The following BEST3 variants were observed in gnomAD, a reference collection of about 807,000 sequenced individuals.
BEST3 encodes bestrophin-3.
BEST3 carries 50 observed loss-of-function variants against 47.1 expected under a neutral mutation model. The observed-to-expected ratio is 1.06, with a 90% CI of 0.85 to 1.34. The LOEUF (loss-of-function observed/expected upper bound fraction) is 1.34, where lower values mean the gene tolerates loss of function less well. BEST3 is among the 40% of genes most tolerant of loss of function. The probability of loss-of-function intolerance (pLI) is 0.00; values close to 1 mark genes in which losing one functional copy is unlikely to be tolerated. For synonymous variants in BEST3, 282 were observed against 298.8 expected (o/e 0.94, Z 0.58); for missense variants, 765 against 817.0 (o/e 0.94, Z 0.78).
chr12:69,668,884 C>G (rs751994918), intron 9 of BEST3, among the ~76,000 whole-genome samples: 1 of 152,148 alleles, frequency 6.6e-6, no homozygotes, highest in South Asian at 2.1e-4. Flanking sequence ...CATAGGTTAG[C>G]TGAGAAGGTA....
chr12:69,677,599 A>G (rs909671541), intron 5 of BEST3, among the ~76,000 whole-genome samples: 4 of 152,192 alleles, frequency 2.6e-5, no homozygotes, highest in African/African-American at 9.6e-5. Flanking sequence ...TGGGCAACAT[A>G]GAAAGACATT....
downstream of BEST3, among the ~76,000 whole-genome samples, chr12:69,649,405 A>G (rs1012321971): frequency 3.9e-5 from 6 of 152,190 alleles, no homozygotes; most frequent in South Asian, 2.1e-4. Flanking sequence ...CTAAGCATGA[A>G]CCTCGGGGTT....
downstream of BEST3, chr12:69,653,461 G>T (rs1883278810): frequency 4.1e-6 from 1 of 241,780 alleles, no homozygotes; most frequent in Non-Finnish European, 6.7e-6. Flanking sequence ...GTTTGAAGAT[G>T]AACACTGTCA....
intron 4 of BEST3, among the ~76,000 whole-genome samples, chr12:69,691,867 T>C (rs1257122077): frequency 1.3e-5 from 2 of 152,180 alleles, no homozygotes; most frequent in African/African-American, 2.4e-5. Context: ...GTTGCTGAAA[T>C]GATCTGCTGC....
chr12:69,657,169 C>T (rs1379299291), intron 9 of BEST3, among the ~76,000 whole-genome samples: 3 of 149,030 alleles, frequency 2.0e-5, no homozygotes, highest in Admixed American at 6.6e-5. Flanking sequence ...GATCTCGGCT[C>T]ACTGCAACCT....
At chr12:69,666,531 T>C (rs780210603) in intron 9 of BEST3, among the ~76,000 whole-genome samples, 11 of 152,158 alleles carry the variant, frequency 7.2e-5, no homozygotes, top group Non-Finnish European at 1.3e-4. Context: ...TGGCAGGGCA[T>C]TTTCTGGGTT....
chr12:69,671,579 C>T lies in BEST3; in HGVS notation c.949G>A (p.Val317Ile). The change falls in exon 9 of 10, where the codon GTC (valine) becomes ATC (isoleucine). Residue 317 changes from valine to isoleucine, a missense_variant and splice_region_variant. Physicochemically the swap from Val to Ile is conservative, Grantham distance 29 (BLOSUM62 3). Transcript: ENST00000330891. ...ATTTCGTCCACAGCTAAAAGAGAGA[C>T]CTAAAATCATTGTTATATTGTTAGA... ...TNWCIDRNLQ[V>I]SLLAVDEMHM... 3 of 1,612,244 alleles carry T rather than the reference C, an allele frequency of 1.9e-6. No individual in the cohort carries two copies. The highest frequency in any genetic ancestry group is 1.7e-6 in the Non-Finnish European group (2 of 1,179,080).
downstream of BEST3, among the ~76,000 whole-genome samples, chr12:69,651,536 G>T (rs553279150): frequency 6.6e-6 from 1 of 152,248 alleles, no homozygotes; most frequent in East Asian, 1.9e-4. Context: ...ACTTTGGGAG[G>T]CCAAGATGGG....
At chr12:69,666,925 A>T (rs1359145617) in intron 9 of BEST3, among the ~76,000 whole-genome samples, 1 of 152,028 alleles carries the variant, frequency 6.6e-6, no homozygotes, top group Non-Finnish European at 1.5e-5. Flanking sequence ...CTTGTGATAC[A>T]CCTACTTCAG....
chr12:69,677,161 C>A lies in BEST3; in HGVS notation c.714+19G>T. Reference sequence around the variant, plus strand: ...GTAGGCAAGTAGAAATAAAGAATTCCATGAAAAGTATTTCTTACCTGGGTG... The same window carrying A: ...GTAGGCAAGTAGAAATAAAGAATTCAATGAAAAGTATTTCTTACCTGGGTG... On this transcript the variant is annotated intron_variant, in intron 6 of 9. Coordinates refer to ENST00000330891, the MANE Select transcript of BEST3 (RefSeq NM_032735.3). 1 of 1,613,426 alleles carries A rather than the reference C, an allele frequency of 6.2e-7. No homozygotes were observed. The highest frequency in any genetic ancestry group is 8.5e-7 in the Non-Finnish European group (1 of 1,179,468).
At chr12:69,668,350 G>A (rs1884355705) in intron 9 of BEST3, among the ~76,000 whole-genome samples, 1 of 152,142 alleles carries the variant, frequency 6.6e-6, no homozygotes, top group South Asian at 2.1e-4. Context: ...ATTTTATATG[G>A]TCACCAAGAG....
chr12:69,678,433 C>A (rs1885051269), intron 5 of BEST3, among the ~76,000 whole-genome samples: 1 of 152,016 alleles, frequency 6.6e-6, no homozygotes, highest in Non-Finnish European at 1.5e-5. Flanking sequence ...TACATGGGCA[C>A]CATAGCTTTT....
In BEST3 at chr12:69,693,780, T is replaced by A. The variant is rs1231289265; in HGVS notation, c.375A>T (p.Arg125Ser). The A allele has an allele frequency of 2.5e-6, 4 of 1,614,152 alleles. No individual in the cohort carries two copies. The South Asian group carries it at 4.4e-5, about 18-fold the overall frequency. Residue 125 changes from arginine to serine, a missense_variant, in exon 4 of 10, where the codon AGA becomes AGT. Coordinates refer to ENST00000330891, the MANE Select transcript of BEST3 (RefSeq NM_032735.3). ...HGSDEHGRLL[R>S]RTLMRYVNLT... ...GATTGACGTAGCGCATCAGCGTCCT[T>A]CTAAGCAGGCGCCCGTGCTCGTCGC...
At chr12:69,665,919 C>A (rs371544626) in intron 9 of BEST3, among the ~76,000 whole-genome samples, 1 of 151,984 alleles carries the variant, frequency 6.6e-6, no homozygotes, top group Non-Finnish European at 1.5e-5. Context: ...AAGATAAAGG[C>A]GGGTGGAGAA....
chr12:69,677,305 G>A (rs1337297212), intron 5 of BEST3, 48 bp from the exon 6 acceptor site: 1 of 1,509,894 alleles, frequency 6.6e-7, no homozygotes, highest in Admixed American at 1.9e-5. Context: ...GACGGGTGTG[G>A]TAATAAGTAC....
At chr12:69,666,901 TACCGTCTAC>T (rs1341313902) in intron 9 of BEST3, among the ~76,000 whole-genome samples, 2 of 152,214 alleles carry the variant, frequency 1.3e-5, no homozygotes, top group African/African-American at 2.4e-5. Flanking sequence ...CTGTCACCTC[TACCGTCTAC>T]ATCCCTTGTG....
chr12:69,687,663 C>CAAAAA (rs3050215), intron 4 of BEST3, among the ~76,000 whole-genome samples: 5 of 126,632 alleles, frequency 3.9e-5, no homozygotes, highest in African/African-American at 5.9e-5. Context: ...GAACGTGTCT[C>CAAAAA]AAAAAAAAAA....
chr12:69,681,955 C>T (rs1416324541), intron 4 of BEST3, among the ~76,000 whole-genome samples: 1 of 151,668 alleles, frequency 6.6e-6, no homozygotes, highest in African/African-American at 2.4e-5. Context: ...GTGGTAGGGA[C>T]CTGTAATCCC....
chr12:69,647,248 C>G (rs1883068266), intron 9 of BEST3, among the ~76,000 whole-genome samples: 1 of 152,194 alleles, frequency 6.6e-6, no homozygotes, highest in Non-Finnish European at 1.5e-5. Context: ...GGATCCTGAA[C>G]TATCATCTCC....
Sources: allele counts gnomAD v4.1 joint callset (sites outside exome capture counted in the v4.1 genomes callset), GRCh38; gene constraint gnomAD v4.1.1; transcripts MANE v1.5; gene names NCBI Gene and HGNC (gene_info 2026-07-23, HGNC 2026-07-21).